EXPH5: variants seen among roughly 807,000 people sequenced by gnomAD.
EXPH5 encodes exophilin 5.
In EXPH5, 42 loss-of-function variants were observed where a neutral mutation model predicts 41.1. That is an observed-to-expected ratio of 1.02 (90% confidence interval 0.80 to 1.32). The LOEUF (loss-of-function observed/expected upper bound fraction) is 1.32. Among genes scored for constraint, EXPH5 ranks in the 40% most tolerant of loss-of-function variants. The probability of loss-of-function intolerance (pLI) is 0.00; values close to 1 mark genes in which losing one functional copy is unlikely to be tolerated. For missense variants in EXPH5, 2,298 were observed against 2,314.5 expected (o/e 0.99, Z 0.15); for synonymous variants, 798 against 833.5 (o/e 0.96, Z 0.73).
chr11:108,518,411 C>A, intron 4 of EXPH5, 38 bp from the exon 5 acceptor site: 1 of 1,599,816 alleles, frequency 6.3e-7, no homozygotes, highest in South Asian at 1.1e-5. Flanking sequence ...TATTTCTGAG[C>A]CTTCACCAGT....
chr11:108,550,725 G>A (rs2093960045), intron 1 of EXPH5, among the ~76,000 whole-genome samples: 1 of 152,132 alleles, frequency 6.6e-6, no homozygotes, highest in Admixed American at 6.5e-5. Flanking sequence ...GTTGCAGTGA[G>A]CCAAGATTAT....
At position 108,541,810 on chromosome 11, in the gene EXPH5, T is replaced by G; in HGVS notation, c.122A>C (p.Lys41Thr). The G allele has an allele frequency of 1.9e-6, 3 of 1,586,472 alleles. No homozygotes were observed. The highest frequency in any genetic ancestry group is 2.6e-6 in the Non-Finnish European group (3 of 1,170,924). Reference protein sequence around the residue: ...LQRAEKDRISKLQKTKRDIRW... With the variant: ...LQRAEKDRISTLQKTKRDIRW... Reference sequence around the variant, plus strand: ...GATATCCCTCTTTGTCTTCTGAAGTTTGCTGAAATAAAATAAAACATTAAT... The same window carrying G: ...GATATCCCTCTTTGTCTTCTGAAGTGTGCTGAAATAAAATAAAACATTAAT... The change falls in exon 2 of 6, where the codon AAA (lysine) becomes ACA (threonine). Residue 41 changes from lysine to threonine, a missense_variant and splice_region_variant. Physicochemically the swap from Lys to Thr is moderately conservative, Grantham distance 78. Coordinates refer to ENST00000265843, the MANE Select transcript of EXPH5 (RefSeq NM_015065.3).
Position 108,576,792 on chromosome 11 carries a change from C to T in EXPH5, c.119+16626G>A, listed in dbSNP as rs186960311. Among the ~76,000 whole-genome samples the T allele has an allele frequency of 1.2e-3, 180 of 152,210 alleles. 1 individual carries two copies. Among genetic ancestry groups the T allele is most frequent in the Admixed American group, 1.9e-3 (29 of 15,290 alleles). On this transcript the variant is annotated intron_variant, in intron 1 of 5. Transcript: ENST00000265843. ...TGAAGTGTACAATAAATTATAAACT[C>T]GTTTCCTTATTGTGCTATCAAACAC...
intron 4 of EXPH5, among the ~76,000 whole-genome samples, chr11:108,523,563 T>C (rs1211291409): frequency 3.9e-5 from 6 of 152,180 alleles, no homozygotes; most frequent in Admixed American, 2.0e-4. Context: ...ATTTATGATA[T>C]ACCAAGGTGG....
chr11:108,566,354 G>C (rs1334717319), intron 1 of EXPH5, among the ~76,000 whole-genome samples: 1 of 152,102 alleles, frequency 6.6e-6, no homozygotes, highest in Non-Finnish European at 1.5e-5. Context: ...TGTGCATGGA[G>C]GGGGGTGGTG....
At position 108,518,310 on chromosome 11, in the gene EXPH5, G is replaced by T; in HGVS notation, c.556C>A (p.Pro186Thr). The stretch of plus-strand genomic sequence containing the variant: ...CCACTCTCCTCCCTCATGACTGCTG[G>T]CTTTGGGACAAATGTACTGTCAACT... ...HLVDSTFVPK[P>T]AVMREESGMP... The change falls in exon 5 of 6, where the codon CCA (proline) becomes ACA (threonine). Residue 186 changes from proline (P) to threonine (T), a missense_variant. Pro to Thr is a conservative substitution (Grantham distance 38, BLOSUM62 -1). Transcript: ENST00000265843. 6.2e-7 allele frequency: 1 copy of T among 1,613,854 alleles called. No homozygotes were observed. The highest frequency in any genetic ancestry group is 8.5e-7 in the Non-Finnish European group (1 of 1,179,824).
Position 108,507,583 on chromosome 11 carries a change from TC to T in EXPH5, c.*1953del, listed in dbSNP as rs2093651103. On this transcript the variant is annotated 3_prime_UTR_variant, in exon 6 of 6. Coordinates refer to ENST00000265843, the MANE Select transcript of EXPH5 (RefSeq NM_015065.3). ...TCTTTATCCTGAATTAGGAGAGAAA[TC>T]CCCCGAGGTTCTGCATGGCAAATAA... 1 of 152,058 alleles carries T rather than the reference TC, an allele frequency of 6.6e-6. No homozygotes were observed. The highest frequency in any genetic ancestry group is 1.5e-5 in the Non-Finnish European group (1 of 67,998). 9.4% of individuals were successfully genotyped at this position (152,058 alleles called of 1,614,324 possible).
At chr11:108,584,405 G>C (rs2094107460) in intron 1 of EXPH5, among the ~76,000 whole-genome samples, 1 of 152,080 alleles carries the variant, frequency 6.6e-6, no homozygotes, top group African/African-American at 2.4e-5. Flanking sequence ...TTGAACCCAG[G>C]AGGTGGAGGT....
In EXPH5 at chr11:108,525,596, T is replaced by C. The variant is rs188461402; in HGVS notation, c.492+2540A>G. Among the ~76,000 whole-genome samples, 13 of 152,342 alleles carry C rather than the reference T, an allele frequency of 8.5e-5. No homozygotes were observed. The East Asian group carries it at 2.3e-3, about 27-fold the overall frequency. ...GCAAATGTTTAAGTAGCAGCTTCCT[T>C]CTTTTTTAAGTGGAAGATCATCTAA... On this transcript the variant is annotated intron_variant, in intron 4 of 5. Transcript: ENST00000265843.
At position 108,518,327 on chromosome 11, in the gene EXPH5, C is replaced by G; in HGVS notation, c.539G>C (p.Ser180Thr). The G allele has an allele frequency of 6.2e-7, 1 of 1,613,992 alleles. No homozygotes were observed. The highest frequency in any genetic ancestry group is 8.5e-7 in the Non-Finnish European group (1 of 1,179,890). The change falls in exon 5 of 6, where the codon AGT becomes ACT. Residue 180 changes from serine (S) to threonine (T), a missense_variant. Coordinates refer to ENST00000265843, the MANE Select transcript of EXPH5 (RefSeq NM_015065.3). ...NSPLENHLVDSTFVPKPAVMR... is the reference protein window; with the variant it reads ...NSPLENHLVDTTFVPKPAVMR... ...GACTGCTGGCTTTGGGACAAATGTA[C>G]TGTCAACTAGATGATTTTCCAGAGG...
chr11:108,601,924 T>A, the EXPH5 span, among the ~76,000 whole-genome samples: 1 of 152,094 alleles, frequency 6.6e-6, no homozygotes, highest in Non-Finnish European at 1.5e-5. Context: ...AATTTTCATA[T>A]TTTTTGGAGA....
At position 108,573,749 on chromosome 11, in the gene EXPH5, C is replaced by T. The variant is rs562190606; in HGVS notation, c.119+19669G>A. Among the ~76,000 whole-genome samples the T allele has an allele frequency of 1.3e-4, 20 of 152,174 alleles. No homozygotes were observed. The South Asian group carries it at 2.1e-3, about 16-fold the overall frequency. On this transcript the variant is annotated intron_variant, in intron 1 of 5. Transcript: ENST00000265843. ...AAAAAAGTTACATTAAAAATTAAGA[C>T]GAAGTGAATATTACTCTAATCTCTA... is the stretch of plus-strand genomic sequence containing the variant.
intron 1 of EXPH5, among the ~76,000 whole-genome samples, chr11:108,552,610 A>G (rs1461201941): frequency 6.6e-6 from 1 of 152,184 alleles, no homozygotes; most frequent in Non-Finnish European, 1.5e-5. Flanking sequence ...ATAAAAAGCA[A>G]TATTTTCTGT....
rs1297739228 is a variant in EXPH5 at position 108,511,176 on chromosome 11, G to A, written c.4331C>T (p.Ser1444Phe). ...NIGNSQTRRS[S>F]WECTGSGRAI... ...TCTACCACTCCCTGTACACTCCCAA[G>A]AACTTCTTCTAGTTTGGGAATTTCC... Residue 1444 changes from serine (S) to phenylalanine (F), a missense_variant, in exon 6 of 6, where the codon TCT (serine) becomes TTT (phenylalanine). Ser to Phe is a radical substitution (Grantham distance 155). Transcript: ENST00000265843. The A allele has an allele frequency of 1.2e-6, 2 of 1,613,026 alleles. No individual in the cohort carries two copies. The highest frequency in any genetic ancestry group is 2.2e-5 in the South Asian group (2 of 90,796).
intron 1 of EXPH5, among the ~76,000 whole-genome samples, chr11:108,588,237 T>C (rs2094119005): frequency 6.6e-6 from 1 of 152,244 alleles, no homozygotes; most frequent in African/African-American, 2.4e-5. Flanking sequence ...ATGGTATCAG[T>C]TATCTTCCCA....
At chr11:108,534,923 A>G (rs1431264938) in intron 3 of EXPH5, among the ~76,000 whole-genome samples, 1 of 152,206 alleles carries the variant, frequency 6.6e-6, no homozygotes, top group African/African-American at 2.4e-5. Context: ...TGCCTGACCT[A>G]TGCAGCAATA....
At chr11:108,534,901 T>G (rs887308372) in intron 3 of EXPH5, among the ~76,000 whole-genome samples, 2 of 152,244 alleles carry the variant, frequency 1.3e-5, no homozygotes, top group Non-Finnish European at 2.9e-5. Context: ...TAAAGTTCTG[T>G]GGCGTGCTGC....
At chr11:108,557,480 G>A (rs577325423) in intron 1 of EXPH5, among the ~76,000 whole-genome samples, 1 of 152,252 alleles carries the variant, frequency 6.6e-6, no homozygotes, top group East Asian at 1.9e-4. Context: ...AGCATAGCTG[G>A]GATTCCAGGC....
chr11:108,540,672 C>G (rs974339768), intron 2 of EXPH5, among the ~76,000 whole-genome samples: 5 of 152,074 alleles, frequency 3.3e-5, no homozygotes, highest in African/African-American at 1.2e-4. Flanking sequence ...TCTCAATAGT[C>G]CTGTGAAAGC....
Sources: allele counts gnomAD v4.1 joint callset (sites outside exome capture counted in the v4.1 genomes callset), GRCh38; gene constraint gnomAD v4.1.1; transcripts MANE v1.5; gene names NCBI Gene and HGNC (gene_info 2026-07-23, HGNC 2026-07-21).